Variants in CD300LG observed in about 807,000 individuals in gnomAD.
CD300LG encodes the protein CD300 molecule like family member g.
In CD300LG, 29 loss-of-function variants were observed where a neutral mutation model predicts 31.5. That is an observed-to-expected ratio of 0.92 (90% CI 0.68 to 1.25). The LOEUF is 1.25. Ranked by LOEUF, CD300LG falls within the 50% of genes most tolerant of loss-of-function variation. The pLI is 0.00. For synonymous variants in CD300LG, 175 were observed against 177.2 expected, an observed-to-expected ratio of 0.99 and a Z score of 0.10; for missense variants, 396 against 417.6, an observed-to-expected ratio of 0.95 and a Z score of 0.45.
Position 43,848,883 on chromosome 17 carries a change from C to T in CD300LG, c.369C>T (p.Phe123=), listed in dbSNP as rs776427136. The change falls in exon 2 of 7, where the codon TTC becomes TTT. Residue 123 remains phenylalanine, a synonymous_variant. Coordinates refer to ENST00000317310, the MANE Select transcript of CD300LG (RefSeq NM_145273.4). ...ATGAGTCTTTACTGATCTCTCTGTTCGTCTTTCCAGGTAACAGATATCTCT... is the reference window on the plus strand; with the variant it reads ...ATGAGTCTTTACTGATCTCTCTGTTTGTCTTTCCAGGTAACAGATATCTCT... The part of the protein sequence containing the change: ...GPDESLLISL[F]VFPGPCCPPS... The T allele has an allele frequency of 1.9e-5, 31 of 1,607,362 alleles. 1 individual carries two copies. Among genetic ancestry groups the T allele is most frequent in the South Asian group, 7.7e-5 (7 of 90,980 alleles).
Position 43,855,257 on chromosome 17 carries a change from G to T in CD300LG, c.770G>T (p.Ser257Ile). 1.2e-6 allele frequency: 2 copies of T among 1,610,290 alleles called. No individual in the cohort carries two copies. Among genetic ancestry groups the T allele is most frequent in the Middle Eastern group, 1.7e-4 (1 of 6,012 alleles). The change falls in exon 5 of 7, where the codon AGC (serine) becomes ATC (isoleucine). Residue 257 changes from serine (S) to isoleucine (I), a missense_variant. By Grantham distance (142) the Ser-to-Ile change is moderately radical. Transcript: ENST00000317310. ...RILAPVLVLL[S>I]LLSAAGLIAF... is the part of the protein sequence containing the mutation. ...CTGGCCCCAGTCCTGGTGCTGCTGA[G>T]CCTTCTGTCAGCCGCAGGCCTGATC... is the stretch of plus-strand genomic sequence containing the variant.
intron 6 of CD300LG, 47 bp downstream of exon 6, chr17:43,857,203 C>A: frequency 2.5e-6 from 4 of 1,603,892 alleles, no homozygotes; most frequent in Non-Finnish European, 3.4e-6. Context: ...CCCCTTGGGG[C>A]TGGAAGTCAA....
At chr17:43,851,776 C>T (rs1418409055) in intron 2 of CD300LG, among the ~76,000 whole-genome samples, 4 of 150,528 alleles carry the variant, frequency 2.7e-5, no homozygotes, top group African/African-American at 7.3e-5. Flanking sequence ...AGGATGGTCT[C>T]GATCTCCTGA....
In CD300LG at chr17:43,862,083, T is replaced by C. The variant is rs1222576802; in HGVS notation, c.*172T>C. Reference sequence around the variant, plus strand: ...CATGTTCCAGCCTGACCTAGAAGCGTTTGTCAGCCCTGGAGCCCAGAGCGG... The same window carrying C: ...CATGTTCCAGCCTGACCTAGAAGCGCTTGTCAGCCCTGGAGCCCAGAGCGG... On this transcript the variant is annotated 3_prime_UTR_variant, in exon 7 of 7. Transcript: ENST00000317310. 12 of 503,676 alleles carry C rather than the reference T, an allele frequency of 2.4e-5. No individual in the cohort carries two copies. The highest frequency in any genetic ancestry group is 4.2e-5 in the Non-Finnish European group (12 of 286,842). 31.2% of individuals were successfully genotyped at this position (503,676 alleles called of 1,614,324 possible).
intron 6 of CD300LG, chr17:43,858,774 G>A (rs1298201956): frequency 1.1e-6 from 1 of 899,222 alleles, no homozygotes; most frequent in African/African-American, 1.8e-5. Flanking sequence ...GGTCAAAGAG[G>A]GAGGGGGATG....
At chr17:43,857,189 A>T in intron 6 of CD300LG, 33 bp downstream of exon 6, 1 of 1,610,672 alleles carries the variant, frequency 6.2e-7, no homozygotes, top group Non-Finnish European at 8.5e-7. Context: ...GCCCAAGCTC[A>T]GATCCCCTTG....
At chr17:43,851,235 A>G (rs544931771) in intron 2 of CD300LG, among the ~76,000 whole-genome samples, 2 of 152,174 alleles carry the variant, frequency 1.3e-5, no homozygotes, top group South Asian at 2.1e-4. Context: ...ACTTAGAAAA[A>G]TCCAAGAATA....
chr17:43,850,411 T>G (rs942856050), intron 2 of CD300LG, among the ~76,000 whole-genome samples: 3 of 152,232 alleles, frequency 2.0e-5, no homozygotes, highest in African/African-American at 7.2e-5. Flanking sequence ...AAAAGACAAA[T>G]GTAGCCACTA....
At chr17:43,855,413 T>C (rs2046490254) in intron 5 of CD300LG, 94 bp downstream of exon 5, 5 of 688,780 alleles carry the variant, frequency 7.3e-6, no homozygotes, top group Non-Finnish European at 1.1e-5. Flanking sequence ...GGAAAGACCC[T>C]GTGGGTCTCA....
intron 6 of CD300LG, chr17:43,858,067 T>A: frequency 6.3e-6 from 9 of 1,423,528 alleles, no homozygotes; most frequent in Non-Finnish European, 8.2e-6. Context: ...TTTACTGAGA[T>A]GCCTCCACTC....
Position 43,854,055 on chromosome 17 carries a change from G to C in CD300LG, c.719+11G>C. On this transcript the variant is annotated intron_variant, in intron 4 of 6. Transcript: ENST00000317310. ...CAGCTCTAAGCCCAGGTGAGCCCCA[G>C]GTGACCAACATCCCCTTTCAAGCCA... 3.8e-6 allele frequency: 6 copies of C among 1,596,446 alleles called. No individual in the cohort carries two copies. Among genetic ancestry groups the C allele is most frequent in the Non-Finnish European group, 5.2e-6 (6 of 1,164,812 alleles).
intron 6 of CD300LG, among the ~76,000 whole-genome samples, chr17:43,860,507 C>G (rs76739253): frequency 9.2e-5 from 14 of 152,228 alleles, no homozygotes; most frequent in African/African-American, 3.4e-4. Context: ...CGCCCACCTG[C>G]TAGGGCAAGG....
At chr17:43,847,347 AC>A in intron 1 of CD300LG, 88 bp downstream of exon 1, 3 of 1,160,792 alleles carry the variant, frequency 2.6e-6, no homozygotes, top group Non-Finnish European at 3.5e-6. Flanking sequence ...TGATAGCCCC[AC>A]CCCACCTATC....
Position 43,855,282 on chromosome 17 carries a change from C to A in CD300LG, c.795C>A (p.Ile265=). Residue 265 remains isoleucine, a synonymous_variant, in exon 5 of 7, where the codon ATC becomes ATA. Transcript: ENST00000317310. ...GCCTTCTGTCAGCCGCAGGCCTGAT[C>A]GCCTTCTGCAGCCACCTGCTCCTGT... ...LLSLLSAAGL[I]AFCSHLLLWR... is the part of the protein sequence containing the mutation. 6.2e-7 allele frequency: 1 copy of A among 1,604,138 alleles called. No homozygotes were observed. The highest frequency in any genetic ancestry group is 1.1e-5 in the South Asian group (1 of 89,074).
At chr17:43,848,259 C>CAAACAAACA (rs1555598873) in intron 1 of CD300LG, among the ~76,000 whole-genome samples, 45 of 151,964 alleles carry the variant, frequency 3.0e-4, no homozygotes, top group African/African-American at 9.9e-4. Flanking sequence ...AACAAACAAA[C>CAAACAAACA]AAACAAAACA....
intron 1 of CD300LG, among the ~76,000 whole-genome samples, chr17:43,848,318 T>A (rs1315951924): frequency 6.6e-6 from 1 of 152,140 alleles, no homozygotes; most frequent in Non-Finnish European, 1.5e-5. Context: ...TCAGATTCTA[T>A]CTGAATCTAG....
At chr17:43,857,864 G>A (rs1467039076) in intron 6 of CD300LG, 3 of 1,537,096 alleles carry the variant, frequency 2.0e-6, no homozygotes, top group East Asian at 2.4e-5. Flanking sequence ...GACCCAGGCT[G>A]AGGGTGGTGC....
chr17:43,847,406 G>GGGT, intron 1 of CD300LG, 147 bp downstream of exon 1: 1 of 721,236 alleles, frequency 1.4e-6, no homozygotes, highest in Admixed American at 3.6e-5. Flanking sequence ...GGGGTGGGGG[G>GGGT]AGGTGGGGGT....
intron 6 of CD300LG, among the ~76,000 whole-genome samples, chr17:43,859,219 A>G (rs1201636892): frequency 6.6e-6 from 1 of 152,166 alleles, no homozygotes; most frequent in Non-Finnish European, 1.5e-5. Flanking sequence ...CTCAGGAGAA[A>G]GACCCTGGGA....
Sources: gnomAD v4.1 joint callset for allele counts (sites outside exome capture counted in the v4.1 genomes callset) on GRCh38, gnomAD v4.1.1 for gene constraint, MANE v1.5 for transcripts, NCBI Gene and HGNC (gene_info 2026-07-23, HGNC 2026-07-21) for gene names.